The following TPP2 variants were observed in gnomAD, a reference collection of about 807,000 sequenced individuals.
The protein encoded by TPP2 is tripeptidyl-peptidase 2.
TPP2 carries 34 observed loss-of-function variants against 155.9 expected under a neutral mutation model. That is an observed-to-expected ratio of 0.22 (90% confidence interval 0.17 to 0.29). The LOEUF is 0.29. Ranked by LOEUF, TPP2 falls within the 10% of genes least tolerant of loss-of-function variation. The pLI is 1.00. For missense variants in TPP2, 1,028 were observed against 1,522.3 expected (o/e 0.68, Z 5.40); for synonymous variants, 510 against 529.4 (o/e 0.96, Z 0.50).
At chr13:102,641,953 C>T (rs1277845239) in intron 16 of TPP2, among the ~76,000 whole-genome samples, 2 of 152,088 alleles carry the variant, frequency 1.3e-5, no homozygotes, top group Non-Finnish European at 2.9e-5. Flanking sequence ...GCATCTAGTC[C>T]AAGATATTGC....
Position 102,643,264 on chromosome 13 carries a change from T to G in TPP2, c.2063T>G (p.Phe688Cys). 1 of 1,610,638 alleles carries G rather than the reference T, an allele frequency of 6.2e-7. No individual in the cohort carries two copies. Among genetic ancestry groups the G allele is most frequent in the Non-Finnish European group, 8.5e-7 (1 of 1,178,862 alleles). Reference sequence around the variant, plus strand: ...TGTTCTTCTGAGGTGTCAGCAAAGTTTGTTCTACATGCAGTCCAGCTTGTG... The same window carrying G: ...TGTTCTTCTGAGGTGTCAGCAAAGTGTGTTCTACATGCAGTCCAGCTTGTG... ...CSCSSEVSAK[F>C]VLHAVQLVKQ... Residue 688 changes from phenylalanine (F) to cysteine (C), a missense_variant, in exon 17 of 30, where the codon TTT becomes TGT. This residue lies in a region of TPP2 where 325 missense variants were observed against 463.7 expected (regional missense o/e 0.70). Transcript: ENST00000376052.
chr13:102,609,491 G>T (rs960006148), intron 2 of TPP2, among the ~76,000 whole-genome samples: 2 of 136,554 alleles, frequency 1.5e-5, no homozygotes, highest in Admixed American at 1.6e-4. Flanking sequence ...TCTGCCACCC[G>T]GGTTCAAGCG....
intron 2 of TPP2, 113 bp downstream of exon 2, chr13:102,605,034 A>G (rs1326993575): frequency 3.5e-6 from 5 of 1,445,558 alleles, no homozygotes; most frequent in African/African-American, 2.9e-5. Flanking sequence ...GCCACATATC[A>G]GATTACCTCA....
At chr13:102,643,148 C>A (rs1368724279) in intron 16 of TPP2, 74 bp from the exon 17 acceptor site, 55 of 1,396,292 alleles carry the variant, frequency 3.9e-5, no homozygotes, top group Non-Finnish European at 4.9e-5. Flanking sequence ...CCTAAGTGGG[C>A]ATTATTAAAG....
rs541094885 is a variant in TPP2 at position 102,674,547 on chromosome 13, C to T, written c.3579+57C>T. On this transcript the variant is annotated intron_variant, in intron 28 of 29. Transcript: ENST00000376052. ...TCTTGGGGTTACCTCACAGACCTCT[C>T]TTGTGCCCCATTGCTGGTTAAAAGA... is the stretch of plus-strand genomic sequence containing the variant. 249 of 1,551,218 alleles carry T rather than the reference C, an allele frequency of 1.6e-4. 2 individuals carry two copies. The South Asian group carries it at 2.6e-3, about 16-fold the overall frequency.
rs78737898 is a variant in TPP2 at position 102,662,525 on chromosome 13, T to C, written c.3144-1123T>C. 2.6e-5 allele frequency among the ~76,000 whole-genome samples: 4 copies of C among 152,200 alleles called. 1 individual carries two copies. The South Asian group carries it at 8.3e-4, about 31-fold the overall frequency. ...AGAACATTTTTTGGAAAAAAAAATT[T>C]ATAATTAAGGTGCAGTAGTTTTAAA... is the stretch of plus-strand genomic sequence containing the variant. On this transcript the variant is annotated intron_variant, in intron 25 of 29. Coordinates refer to ENST00000376052, the MANE Select transcript of TPP2 (RefSeq NM_001330588.2).
intron 24 of TPP2, among the ~76,000 whole-genome samples, chr13:102,652,143 A>C (rs1392779213): frequency 6.6e-6 from 1 of 152,084 alleles, no homozygotes; most frequent in African/African-American, 2.4e-5. Flanking sequence ...TGGGAGGGCA[A>C]GTTGGGCAGA....
Position 102,600,087 on chromosome 13 carries a change from T to C in TPP2, c.165+2884T>C, listed in dbSNP as rs114337619. 5.2e-3 allele frequency among the ~76,000 whole-genome samples: 797 copies of C among 152,052 alleles called. 6 individuals carry two copies. The highest frequency in any genetic ancestry group is 0.018 in the African/African-American group (742 of 41,434). On this transcript the variant is annotated intron_variant, in intron 1 of 29. Transcript: ENST00000376052. ...AAAATTAAAAAAAAAAATTGAATGGTATATATGAGGCCATTTGCCATCCAA... is the reference window on the plus strand; with the variant it reads ...AAAATTAAAAAAAAAAATTGAATGGCATATATGAGGCCATTTGCCATCCAA...
At chr13:102,598,655 G>A (rs1248952093) in intron 1 of TPP2, among the ~76,000 whole-genome samples, 1 of 152,168 alleles carries the variant, frequency 6.6e-6, no homozygotes, top group Non-Finnish European at 1.5e-5. Flanking sequence ...CTTTTTATAG[G>A]ATGAGTGGGA....
intron 24 of TPP2, among the ~76,000 whole-genome samples, chr13:102,652,439 T>C (rs55919806): frequency 0.61 from 72,314 of 119,460 alleles, 20,826 homozygotes; most frequent in African/African-American, 0.71. Flanking sequence ...TATATATATA[T>C]ATATATATAT....
At chr13:102,597,262 G>A (rs1479246841) in intron 1 of TPP2, 59 bp downstream of exon 1, 15 of 1,031,616 alleles carry the variant, frequency 1.5e-5, no homozygotes, top group African/African-American at 1.7e-5. Flanking sequence ...ACGCGGGTGG[G>A]GACACAGTCT....
At chr13:102,638,399 A>G in intron 15 of TPP2, 84 bp downstream of exon 15, 1 of 1,379,048 alleles carries the variant, frequency 7.3e-7, no homozygotes, top group Non-Finnish European at 1.0e-6. Context: ...TTTAATGATC[A>G]CTAATACAGA....
At chr13:102,619,842 T>C (rs1422906851) in intron 5 of TPP2, among the ~76,000 whole-genome samples, 3 of 152,338 alleles carry the variant, frequency 2.0e-5, no homozygotes, top group Non-Finnish European at 4.4e-5. Context: ...TGAAAAATTA[T>C]TTTCCAGAGG....
Position 102,671,601 on chromosome 13 carries a change from C to T in TPP2, c.3372-2682C>T, listed in dbSNP as rs190263242. ...ATCTCTTTATAAGCGTTAAAAGTAACGGGTTCATACACCTGATTGTGTTGT... is the reference window on the plus strand; with the variant it reads ...ATCTCTTTATAAGCGTTAAAAGTAATGGGTTCATACACCTGATTGTGTTGT... On this transcript the variant is annotated intron_variant, in intron 27 of 29. Coordinates refer to ENST00000376052, the MANE Select transcript of TPP2 (RefSeq NM_001330588.2). 1.3e-3 allele frequency among the ~76,000 whole-genome samples: 203 copies of T among 152,258 alleles called. 1 individual carries two copies. Among genetic ancestry groups the T allele is most frequent in the Non-Finnish European group, 2.2e-3 (147 of 68,022 alleles).
At chr13:102,666,762 ATC>A (rs1884625505) in intron 27 of TPP2, among the ~76,000 whole-genome samples, 2 of 78,724 alleles carry the variant, frequency 2.5e-5, no homozygotes, top group African/African-American at 5.5e-5. Flanking sequence ...ACTGTTTTTA[ATC>A]TCTTTTTTTT....
At chr13:102,650,692 A>T (rs1883427368) in intron 23 of TPP2, among the ~76,000 whole-genome samples, 2 of 152,192 alleles carry the variant, frequency 1.3e-5, no homozygotes, top group Non-Finnish European at 2.9e-5. Context: ...TGAAGAGTAT[A>T]ACAGAAAAGC....
intron 10 of TPP2, 85 bp from the exon 11 acceptor site, chr13:102,633,865 G>T: frequency 6.4e-7 from 1 of 1,574,386 alleles, no homozygotes; most frequent in South Asian, 1.2e-5. Context: ...TTATACTATT[G>T]GATTTAACCA....
At position 102,614,104 on chromosome 13, in the gene TPP2, C is replaced by G; in HGVS notation, c.298C>G (p.Pro100Ala). The G allele has an allele frequency of 6.2e-7, 1 of 1,611,566 alleles. No individual in the cohort carries two copies. The highest frequency in any genetic ancestry group is 8.5e-7 in the Non-Finnish European group (1 of 1,179,042). Residue 100 changes from proline to alanine, a missense_variant, in exon 3 of 30, where the codon CCT becomes GCT. By Grantham distance (27) the Pro-to-Ala change is conservative. Coordinates refer to ENST00000376052, the MANE Select transcript of TPP2 (RefSeq NM_001330588.2). ...GTTACTCTTTTTTTTTCTGTAGATT[C>G]CTGCAAGCTGGACAAATCCCTCAGG... ...VGLSGRVLKI[P>A]ASWTNPSGKY... is the part of the protein sequence containing the mutation.
intron 1 of TPP2, among the ~76,000 whole-genome samples, chr13:102,603,352 T>G (rs1707222373): frequency 6.6e-6 from 1 of 152,186 alleles, no homozygotes; most frequent in Non-Finnish European, 1.5e-5. Context: ...AATAGAATTA[T>G]GTTCTGTGAA....
Sources: gnomAD v4.1 joint callset for allele counts (sites outside exome capture counted in the v4.1 genomes callset) on GRCh38, gnomAD v4.1.1 for gene constraint, gnomAD v4.1.1 regional missense constraint, MANE v1.5 for transcripts, NCBI Gene and HGNC (gene_info 2026-07-23, HGNC 2026-07-21) for gene names.